The following TMEM87A variants were observed in gnomAD, a reference collection of about 807,000 sequenced individuals.
The protein encoded by TMEM87A is Golgi-pH regulating cation channel.
A neutral mutation model predicts 90.0 loss-of-function variants in TMEM87A; 50 were observed. The observed-to-expected ratio is 0.56, with a 90% CI of 0.44 to 0.70. TMEM87A has a LOEUF of 0.70. Ranked by LOEUF, TMEM87A falls within the 30% of genes least tolerant of loss-of-function variation. The pLI is 0.00. For missense variants in TMEM87A, 577 were observed against 660.5 expected, an observed-to-expected ratio of 0.87 and a Z score of 1.39; for synonymous variants, 226 against 226.7, an observed-to-expected ratio of 1.00 and a Z score of 0.03.
chr15:42,257,529 A>G (rs1432246676), intron 6 of TMEM87A, among the ~76,000 whole-genome samples: 1 of 152,204 alleles, frequency 6.6e-6, no homozygotes, highest in African/African-American at 2.4e-5. Context: ...ACCCAGCTCC[A>G]GGTGTCCTTT....
intron 15 of TMEM87A, among the ~76,000 whole-genome samples, chr15:42,223,431 T>G (rs1164689881): frequency 6.6e-6 from 1 of 152,202 alleles, no homozygotes; most frequent in East Asian, 1.9e-4. Flanking sequence ...CATAAGTGAT[T>G]GTTACAGTCT....
At chr15:42,248,591 A>G (rs1410877965) in intron 6 of TMEM87A, among the ~76,000 whole-genome samples, 2 of 151,884 alleles carry the variant, frequency 1.3e-5, no homozygotes, top group Non-Finnish European at 2.9e-5. Flanking sequence ...ACGTTTATTG[A>G]TTTGCATATG....
Position 42,261,768 on chromosome 15 carries a change from G to A in TMEM87A, c.406-519C>T, listed in dbSNP as rs541104994. ...CCTGCCTCAGCCTCCCGAATAGCTG[G>A]GACTACAGGTGCCCGCCACCATGCC... On this transcript the variant is annotated intron_variant, in intron 4 of 19. Transcript: ENST00000389834. 8.6e-5 allele frequency among the ~76,000 whole-genome samples: 13 copies of A among 151,998 alleles called. No individual in the cohort carries two copies. The South Asian group carries it at 2.7e-3, about 32-fold the overall frequency.
chr15:42,222,979 A>C lies in TMEM87A; in HGVS notation c.1404-2844T>G, dbSNP rs376210429. On this transcript the variant is annotated intron_variant, in intron 15 of 19. Coordinates refer to ENST00000389834, the MANE Select transcript of TMEM87A (RefSeq NM_015497.5). ...AATCCTTGAAGGGAAAAACTACTCC[A>C]TATTTCTGAGATTTTGTATGATTAA... 1.6e-4 allele frequency among the ~76,000 whole-genome samples: 24 copies of C among 152,344 alleles called. 1 individual carries two copies. The South Asian group carries it at 5.0e-3, about 32-fold the overall frequency.
chr15:42,231,414 C>G (rs1170270601), intron 11 of TMEM87A, among the ~76,000 whole-genome samples, 154 bp from the exon 12 acceptor site: 2 of 152,204 alleles, frequency 1.3e-5, no homozygotes, highest in Non-Finnish European at 2.9e-5. Context: ...AATCATTCTT[C>G]CCTTCTTATA....
At chr15:42,249,439 A>G (rs1168842836) in intron 6 of TMEM87A, among the ~76,000 whole-genome samples, 6 of 152,132 alleles carry the variant, frequency 3.9e-5, no homozygotes, top group Non-Finnish European at 8.8e-5. Context: ...ATTTCCCTCT[A>G]CACACTGCTT....
At chr15:42,261,811 T>C (rs932930029) in intron 4 of TMEM87A, among the ~76,000 whole-genome samples, 6 of 151,988 alleles carry the variant, frequency 3.9e-5, no homozygotes, top group African/African-American at 1.2e-4. Flanking sequence ...TTTTTTTGTA[T>C]TTTTAGTAGA....
At chr15:42,226,992 C>T in intron 14 of TMEM87A, 83 bp from the exon 15 acceptor site, 4 of 1,314,946 alleles carry the variant, frequency 3.0e-6, no homozygotes, top group Non-Finnish European at 4.3e-6. Context: ...GAACAAAAAT[C>T]ACTTATTTGT....
chr15:42,218,639 C>T lies in TMEM87A; in HGVS notation c.1540-261G>A, dbSNP rs142558863. 5.3e-5 allele frequency among the ~76,000 whole-genome samples: 8 copies of T among 152,228 alleles called. No homozygotes were observed. The East Asian group carries it at 1.2e-3, about 22-fold the overall frequency. ...TCTAGGAATTCAACTTTTTTAGATT[C>T]GACGTAAGTGAGATCATGTGGTATT... On this transcript the variant is annotated intron_variant, in intron 17 of 19. Coordinates refer to ENST00000389834, the MANE Select transcript of TMEM87A (RefSeq NM_015497.5).
chr15:42,262,991 T>A (rs1481746667), intron 4 of TMEM87A, among the ~76,000 whole-genome samples: 6 of 152,190 alleles, frequency 3.9e-5, no homozygotes, highest in African/African-American at 1.4e-4. Flanking sequence ...TATTCACATC[T>A]CCCTCTTTCT....
At position 42,227,070 on chromosome 15, in the gene TMEM87A, GTGAA is replaced by G. The variant is rs1566925420; in HGVS notation, c.1300-165_1300-162del. The G allele has an allele frequency of 6.3e-6, 4 of 631,842 alleles. No homozygotes were observed. In the East Asian group the frequency reaches 1.1e-4, roughly 18 times the overall value. 39.1% of individuals were successfully genotyped at this position (631,842 alleles called of 1,614,324 possible). On this transcript the variant is annotated intron_variant, in intron 14 of 19. Coordinates refer to ENST00000389834, the MANE Select transcript of TMEM87A (RefSeq NM_015497.5). ...ACTGTGGTAAGTGTGGGGAAACAAA[GTGAA>G]TGAATGTAGTTTTTGCCCTTGTAGT... is the stretch of plus-strand genomic sequence containing the variant.
chr15:42,211,138 C>CTTTTTTTTTTTTT lies in TMEM87A; in HGVS notation c.*557_*569dup, dbSNP rs11433755. ...TCTGAATCATACTGTAACAGTTTCTCTTTTTTTTTTTTTCTTTTGATCATT... is the reference window on the plus strand; with the variant it reads ...TCTGAATCATACTGTAACAGTTTCTCTTTTTTTTTTTTTTTTTTTTTTTTTTCTTTTGATCATT... On this transcript the variant is annotated 3_prime_UTR_variant, in exon 20 of 20. Coordinates refer to ENST00000389834, the MANE Select transcript of TMEM87A (RefSeq NM_015497.5). The CTTTTTTTTTTTTT allele has an allele frequency of 2.8e-5, 4 of 145,286 alleles. No homozygotes were observed. The highest frequency in any genetic ancestry group is 6.0e-5 in the Non-Finnish European group (4 of 66,282). The allele number at this position is 145,286 out of a possible 1,614,324, so 9.0% of individuals were successfully genotyped here.
intron 18 of TMEM87A, 88 bp from the exon 19 acceptor site, chr15:42,217,921 G>C: frequency 7.6e-7 from 1 of 1,323,862 alleles, no homozygotes; most frequent in Non-Finnish European, 1.0e-6. Context: ...GCAATTAAAA[G>C]CTTTATAATT....
chr15:42,244,302 T>C (rs1017892866), intron 6 of TMEM87A, 135 bp from the exon 7 acceptor site: 1 of 593,724 alleles, frequency 1.7e-6, no homozygotes, highest in Non-Finnish European at 2.9e-6. Flanking sequence ...CATTGAAACA[T>C]TAGGCACAAC....
At chr15:42,240,176 T>G (rs1470521081) in intron 7 of TMEM87A, among the ~76,000 whole-genome samples, 1 of 152,256 alleles carries the variant, frequency 6.6e-6, no homozygotes, top group Non-Finnish European at 1.5e-5. Context: ...CTTTGTTTTC[T>G]ATCTTTCCTC....
chr15:42,243,178 G>A (rs2050903763), intron 7 of TMEM87A, among the ~76,000 whole-genome samples: 1 of 152,074 alleles, frequency 6.6e-6, no homozygotes, highest in South Asian at 2.1e-4. Flanking sequence ...TGAGGCAGGA[G>A]AATGGCGTGA....
Position 42,264,157 on chromosome 15 carries a change from C to T in TMEM87A, c.338G>A (p.Gly113Asp). 6.2e-7 allele frequency: 1 copy of T among 1,613,796 alleles called. No individual in the cohort carries two copies. Among genetic ancestry groups the T allele is most frequent in the East Asian group, 2.2e-5 (1 of 44,788 alleles). ...LYLEKLKEKR[G>D]LSGKYQTSSK... is the part of the protein sequence containing the mutation. Reference sequence around the variant, plus strand: ...TGATGTTTGATATTTCCCAGACAAGCCTCTTTTTTCCTTAAGTTTTTCCAA... The same window carrying T: ...TGATGTTTGATATTTCCCAGACAAGTCTCTTTTTTCCTTAAGTTTTTCCAA... Residue 113 changes from glycine to aspartate, a missense_variant, in exon 4 of 20, where the codon GGC (glycine) becomes GAC (aspartate). Gly to Asp is a moderately conservative substitution (Grantham distance 94). Transcript: ENST00000389834.
At chr15:42,264,467 T>C (rs540356549) in intron 3 of TMEM87A, among the ~76,000 whole-genome samples, 22 of 152,086 alleles carry the variant, frequency 1.4e-4, no homozygotes, top group African/African-American at 5.3e-4. Context: ...ACTGCCAGAG[T>C]GTAGAGGGTT....
intron 15 of TMEM87A, among the ~76,000 whole-genome samples, chr15:42,222,753 T>G (rs757937913): frequency 5.3e-5 from 8 of 150,722 alleles, no homozygotes; most frequent in Non-Finnish European, 7.4e-5. Context: ...AGAGATGAGG[T>G]TTCATCATGT....
Sources: allele counts gnomAD v4.1 joint callset (sites outside exome capture counted in the v4.1 genomes callset), GRCh38; gene constraint gnomAD v4.1.1; transcripts MANE v1.5; gene names NCBI Gene and HGNC (gene_info 2026-07-23, HGNC 2026-07-21).